Variants in WWOX observed in about 807,000 individuals in gnomAD.
WWOX encodes WW domain containing oxidoreductase, also known as WW domain-containing oxidoreductase.
Under a neutral mutation model 46.2 loss-of-function variants are expected in WWOX, and 69 were observed. The ratio of observed to expected loss-of-function variants is 1.49; its 90% CI spans 1.23 to 1.82. The LOEUF (loss-of-function observed/expected upper bound fraction) is 1.82. Ranked by LOEUF, WWOX falls within the 40% of genes most tolerant of loss-of-function variation. WWOX has a pLI of 0.00. For synonymous variants in WWOX, 359 were observed against 202.6 expected, an observed-to-expected ratio of 1.77 and a Z score of -6.56; for missense variants, 919 against 542.6, an observed-to-expected ratio of 1.69 and a Z score of -6.89.
intron 8 of WWOX, among the ~76,000 whole-genome samples, chr16:79,053,104 TCA>T (rs201222958): frequency 0.063 from 9,609 of 152,132 alleles, 422 homozygotes; most frequent in African/African-American, 0.11. Flanking sequence ...AATCTTTTGA[TCA>T]TGTTCTTCAC....
intron 8 of WWOX, among the ~76,000 whole-genome samples, chr16:79,012,050 A>G (rs2047321314): frequency 6.6e-6 from 1 of 152,146 alleles, no homozygotes. Flanking sequence ...TGTGTTGAGA[A>G]TAAAGTGTCA....
chr16:79,104,721 G>A (rs2049272578), intron 8 of WWOX, among the ~76,000 whole-genome samples: 1 of 152,076 alleles, frequency 6.6e-6, no homozygotes. Flanking sequence ...CAAATGCTGG[G>A]CCCCAGCATG....
At chr16:78,413,970 C>G (rs187943576) in intron 6 of WWOX, among the ~76,000 whole-genome samples, 1 of 151,834 alleles carries the variant, frequency 6.6e-6, no homozygotes, top group African/African-American at 2.4e-5. Flanking sequence ...CCTGAAGCAA[C>G]TGAAGAACTA....
intron 5 of WWOX, chr16:78,168,407 T>A (rs1210016153): frequency 6.6e-6 from 1 of 151,348 alleles, no homozygotes; most frequent in Non-Finnish European, 1.5e-5. Flanking sequence ...ATATCCCTCA[T>A]CCAGGAGGAT....
chr16:79,026,442 T>C (rs1444057272), intron 8 of WWOX, among the ~76,000 whole-genome samples: 2 of 151,620 alleles, frequency 1.3e-5, no homozygotes, highest in Admixed American at 6.6e-5. Flanking sequence ...CTGGGAACTG[T>C]GTCCCCTTCC....
At chr16:78,774,486 C>A (rs9929519) in intron 8 of WWOX, among the ~76,000 whole-genome samples, 47,754 of 150,002 alleles carry the variant, frequency 0.32, 8,033 homozygotes, top group South Asian at 0.39. Flanking sequence ...AGTTTCTTGA[C>A]AGACCCATTT....
At chr16:78,932,917 A>G (rs1038970138) in intron 8 of WWOX, among the ~76,000 whole-genome samples, 3 of 152,226 alleles carry the variant, frequency 2.0e-5, no homozygotes, top group Non-Finnish European at 2.9e-5. Context: ...GGAGGAGAAC[A>G]TAGTCCAGGT....
chr16:78,952,225 T>G (rs975469364), intron 8 of WWOX, among the ~76,000 whole-genome samples: 2 of 152,114 alleles, frequency 1.3e-5, no homozygotes, highest in Non-Finnish European at 2.9e-5. Flanking sequence ...TTACTTTGCC[T>G]CTACTCAGTC....
intron 8 of WWOX, among the ~76,000 whole-genome samples, chr16:78,946,032 C>G (rs2045942445): frequency 6.6e-6 from 1 of 152,174 alleles, no homozygotes; most frequent in Non-Finnish European, 1.5e-5. Flanking sequence ...CTGCATAGCA[C>G]TTCGCAATGA....
chr16:78,146,055 C>G (rs2034187221), intron 4 of WWOX: 1 of 152,172 alleles, frequency 6.6e-6, no homozygotes. Flanking sequence ...CTGATAAGGA[C>G]TTTAAAATGG....
chr16:78,843,449 G>C (rs138227060), intron 8 of WWOX, among the ~76,000 whole-genome samples: 1 of 150,068 alleles, frequency 6.7e-6, no homozygotes, highest in African/African-American at 2.4e-5. Context: ...CAGCTCAGGG[G>C]ATGAGATTAC....
intron 8 of WWOX, among the ~76,000 whole-genome samples, chr16:78,867,796 T>A (rs1452211555): frequency 1.3e-5 from 2 of 152,218 alleles, no homozygotes; most frequent in Non-Finnish European, 2.9e-5. Flanking sequence ...TGAGGCCTTT[T>A]CTGACCTCAT....
intron 8 of WWOX, among the ~76,000 whole-genome samples, chr16:79,182,242 C>T (rs1457660419): frequency 6.6e-6 from 1 of 151,964 alleles, no homozygotes; most frequent in African/African-American, 2.4e-5. Flanking sequence ...GGGCTGTACA[C>T]GTCTTTGTAC....
chr16:78,831,507 C>T (rs915095788), intron 8 of WWOX, among the ~76,000 whole-genome samples: 5 of 152,184 alleles, frequency 3.3e-5, no homozygotes, highest in East Asian at 1.9e-4. Flanking sequence ...TGGTACCCTA[C>T]GTGGGAGACC....
At chr16:78,882,123 T>C (rs997536460) in intron 8 of WWOX, among the ~76,000 whole-genome samples, 2 of 152,140 alleles carry the variant, frequency 1.3e-5, no homozygotes, top group African/African-American at 4.8e-5. Context: ...AAGAGTCCAT[T>C]TACAAAACAA....
In WWOX at chr16:78,770,401, G is replaced by A. The variant is rs565103237; in HGVS notation, c.1056+337649G>A. The stretch of plus-strand genomic sequence containing the variant: ...AGAATCCAAGAATACAGATTTGGGA[G>A]CAGCCAGTACCAATGGGGGATGGGG... On this transcript the variant is annotated intron_variant, in intron 8 of 8. Coordinates refer to ENST00000566780, the MANE Select transcript of WWOX (RefSeq NM_016373.4). Among the ~76,000 whole-genome samples the A allele has an allele frequency of 7.0e-4, 107 of 152,266 alleles. No homozygotes were observed. The South Asian group carries it at 0.018, about 26-fold the overall frequency.
chr16:78,648,521 C>G (rs1329051580), intron 8 of WWOX, among the ~76,000 whole-genome samples: 1 of 152,216 alleles, frequency 6.6e-6, no homozygotes, highest in African/African-American at 2.4e-5. Flanking sequence ...TGCCGACCCA[C>G]AAGCTCTGGA....
At chr16:79,112,790 G>T (rs557969947) in intron 8 of WWOX, among the ~76,000 whole-genome samples, 2 of 152,200 alleles carry the variant, frequency 1.3e-5, no homozygotes, top group East Asian at 1.9e-4. Context: ...TCGCCGCCTC[G>T]TTTTACAGAT....
chr16:78,628,161 A>AAAAG (rs1343348692), intron 8 of WWOX, among the ~76,000 whole-genome samples: 2 of 152,200 alleles, frequency 1.3e-5, no homozygotes, highest in African/African-American at 4.8e-5. Context: ...GTGGGAAAGC[A>AAAAG]AAAGCTGGAT....
Sources: allele counts gnomAD v4.1 joint callset (sites outside exome capture counted in the v4.1 genomes callset), GRCh38; gene constraint gnomAD v4.1.1; transcripts MANE v1.5; gene names NCBI Gene and HGNC (gene_info 2026-07-23, HGNC 2026-07-21).